Variants in CPVL observed in about 807,000 individuals in gnomAD.
The protein encoded by CPVL is probable serine carboxypeptidase CPVL.
Under a neutral mutation model 63.7 loss-of-function variants are expected in CPVL, and 51 were observed. That is an observed-to-expected ratio of 0.80 (90% CI 0.64 to 1.01). The LOEUF (loss-of-function observed/expected upper bound fraction) is 1.01. CPVL is among the 50% of genes least tolerant of loss of function. CPVL has a pLI of 0.00. For missense variants in CPVL, 530 were observed against 573.1 expected (o/e 0.92, Z 0.77); for synonymous variants, 195 against 206.0 (o/e 0.95, Z 0.46).
At chr7:29,031,857 T>A (rs1276831420) in intron 11 of CPVL, among the ~76,000 whole-genome samples, 2 of 152,154 alleles carry the variant, frequency 1.3e-5, no homozygotes, top group Non-Finnish European at 2.9e-5. Context: ...ATGTTAAGTA[T>A]GAAAGCAGAA....
intron 12 of CPVL, among the ~76,000 whole-genome samples, chr7:29,008,387 C>T (rs1785429028): frequency 6.6e-6 from 1 of 152,104 alleles, no homozygotes; most frequent in South Asian, 2.1e-4. Flanking sequence ...GGAAAAAGCA[C>T]AGAAGGGCAG....
At chr7:29,041,440 T>G (rs2128164338) in intron 11 of CPVL, among the ~76,000 whole-genome samples, 1 of 152,074 alleles carries the variant, frequency 6.6e-6, no homozygotes, top group Admixed American at 6.5e-5. Flanking sequence ...CACAGACAAA[T>G]CTCTCCAGAG....
chr7:29,086,352 G>A (rs1333407776), intron 7 of CPVL, 132 bp downstream of exon 7: 5 of 553,934 alleles, frequency 9.0e-6, no homozygotes, highest in Non-Finnish European at 1.3e-5. Flanking sequence ...TTTGAATAAA[G>A]GCTGAATCAA....
At chr7:29,044,448 C>T (rs966494669) in intron 11 of CPVL, among the ~76,000 whole-genome samples, 1 of 152,032 alleles carries the variant, frequency 6.6e-6, no homozygotes, top group Non-Finnish European at 1.5e-5. Context: ...GTCAGCAAAG[C>T]TTATTTTATT....
intron 5 of CPVL, among the ~76,000 whole-genome samples, chr7:29,154,930 G>C (rs1298535096): frequency 6.6e-6 from 1 of 152,192 alleles, no homozygotes; most frequent in Non-Finnish European, 1.5e-5. Context: ...CATGTGGCTG[G>C]GGAAGCCTCA....
intron 7 of CPVL, among the ~76,000 whole-genome samples, chr7:29,080,992 T>A (rs1399350172): frequency 6.6e-6 from 1 of 152,194 alleles, no homozygotes; most frequent in Non-Finnish European, 1.5e-5. Flanking sequence ...AGCGTTCCCA[T>A]CCACTGCCAC....
chr7:29,076,098 C>T (rs1006444908), intron 7 of CPVL, among the ~76,000 whole-genome samples: 2 of 151,722 alleles, frequency 1.3e-5, no homozygotes, highest in Non-Finnish European at 2.9e-5. Flanking sequence ...ACCTCATTTG[C>T]CTTTTCCTGT....
chr7:28,998,148 C>A (rs913652512), intron 12 of CPVL, among the ~76,000 whole-genome samples: 10 of 152,206 alleles, frequency 6.6e-5, no homozygotes, highest in African/African-American at 2.4e-4. Context: ...TTTCTTCCTG[C>A]AGATTTTCAT....
At chr7:29,019,771 G>A (rs1434666782) in intron 12 of CPVL, among the ~76,000 whole-genome samples, 1 of 152,164 alleles carries the variant, frequency 6.6e-6, no homozygotes, top group Non-Finnish European at 1.5e-5. Flanking sequence ...ACACGGGAGT[G>A]CTTTTCCCTC....
intron 5 of CPVL, chr7:29,181,153 G>A (rs1479331598): frequency 6.6e-6 from 1 of 152,182 alleles, no homozygotes; most frequent in Non-Finnish European, 1.5e-5. Context: ...GATATATGTG[G>A]TGAGTTCTGG....
At chr7:29,011,945 A>G (rs1464641456) in intron 12 of CPVL, 1 of 152,228 alleles carries the variant, frequency 6.6e-6, no homozygotes, top group African/African-American at 2.4e-5. Context: ...TACATTTATA[A>G]TGGAAGGAAA....
chr7:29,157,155 C>T (rs1401302211), intron 5 of CPVL, among the ~76,000 whole-genome samples: 3 of 152,174 alleles, frequency 2.0e-5, no homozygotes, highest in Non-Finnish European at 2.9e-5. Context: ...GAAGAGCTGT[C>T]TTTTCTCCCA....
At chr7:29,104,859 A>C (rs565134755) in intron 3 of CPVL, among the ~76,000 whole-genome samples, 78 of 152,256 alleles carry the variant, frequency 5.1e-4, no homozygotes, top group Middle Eastern at 6.8e-3. Context: ...CTTTCTCTCT[A>C]TGTTATTTCA....
chr7:29,156,848 C>T (rs245903), intron 5 of CPVL, among the ~76,000 whole-genome samples: 136,506 of 152,282 alleles, frequency 0.9, 61,457 homozygotes, highest in East Asian at 1. Context: ...ACCTGGAGAT[C>T]TATCTAGCAA....
chr7:29,036,123 CTG>C (rs1333307780), intron 11 of CPVL, among the ~76,000 whole-genome samples: 11 of 152,196 alleles, frequency 7.2e-5, no homozygotes, highest in Non-Finnish European at 1.6e-4. Flanking sequence ...AGAGTTATTT[CTG>C]TCACTGAAAC....
intron 12 of CPVL, among the ~76,000 whole-genome samples, chr7:29,015,294 G>A (rs1018429577): frequency 6.6e-6 from 1 of 152,106 alleles, no homozygotes; most frequent in Non-Finnish European, 1.5e-5. Context: ...TACCCCAAGG[G>A]CAGTGGTATG....
chr7:29,133,482 C>T (rs946971089), intron 1 of CPVL, among the ~76,000 whole-genome samples: 7 of 152,214 alleles, frequency 4.6e-5, no homozygotes, highest in Admixed American at 3.9e-4. Context: ...GGTCTCATCA[C>T]TTTAACCAGC....
chr7:29,161,133 A>C (rs922885450), intron 5 of CPVL, among the ~76,000 whole-genome samples: 1 of 152,154 alleles, frequency 6.6e-6, no homozygotes, highest in Non-Finnish European at 1.5e-5. Context: ...TATGATGAGC[A>C]AGATAGAGGA....
intron 1 of CPVL, among the ~76,000 whole-genome samples, chr7:29,123,373 A>T (rs1789569085): frequency 6.6e-6 from 1 of 151,992 alleles, no homozygotes; most frequent in African/African-American, 2.4e-5. Context: ...AACCAAATCC[A>T]GGATGGAGCT....
Sources: gnomAD v4.1 joint callset for allele counts (sites outside exome capture counted in the v4.1 genomes callset) on GRCh38, gnomAD v4.1.1 for gene constraint, MANE v1.5 for transcripts, NCBI Gene and HGNC (gene_info 2026-07-23, HGNC 2026-07-21) for gene names.